The following USP16 variants were observed in gnomAD, a reference collection of about 807,000 sequenced individuals.
The protein encoded by USP16 is ubiquitin specific peptidase 16.
In USP16, 77 loss-of-function variants were observed where a neutral mutation model predicts 95.9. The ratio of observed to expected loss-of-function variants is 0.80; its 90% CI spans 0.67 to 0.97. The LOEUF (loss-of-function observed/expected upper bound fraction) is 0.97. Ranked by LOEUF, USP16 falls within the 50% of genes least tolerant of loss-of-function variation. USP16 has a pLI of 0.00. For missense variants in USP16, 943 were observed against 959.9 expected, an observed-to-expected ratio of 0.98 and a Z score of 0.23; for synonymous variants, 303 against 318.2, an observed-to-expected ratio of 0.95 and a Z score of 0.51.
Position 29,046,681 on chromosome 21 carries a change from A to T in USP16, c.1371A>T (p.Gln457His). ...TTTTTACCCAGAACCAACGAAGACA[A>T]CAAAAAATTCAAGGAAAAGTTCTTC... ...AKKQAKNQRR[Q>H]QKIQGKVLHL... The change falls in exon 14 of 18, where the codon CAA (glutamine) becomes CAT (histidine). Residue 457 changes from glutamine to histidine, a missense_variant. Coordinates refer to ENST00000399976, the MANE Select transcript of USP16 (RefSeq NM_006447.3). 4 of 1,604,334 alleles carry T rather than the reference A, an allele frequency of 2.5e-6. No individual in the cohort carries two copies. The highest frequency in any genetic ancestry group is 2.2e-5 in the East Asian group (1 of 44,762).
chr21:29,047,934 ATGTG>A (rs983151719), intron 14 of USP16, among the ~76,000 whole-genome samples: 7 of 151,064 alleles, frequency 4.6e-5, no homozygotes, highest in Non-Finnish European at 1.0e-4. Context: ...TGTATCTTAT[ATGTG>A]TGTGTATGTA....
chr21:29,050,588 T>C (rs189861489), intron 16 of USP16, among the ~76,000 whole-genome samples: 2 of 151,812 alleles, frequency 1.3e-5, no homozygotes, highest in African/African-American at 4.8e-5. Flanking sequence ...AAAGAAGGAG[T>C]AAAAGTATGA....
At chr21:29,029,238 C>A (rs2085041717) in intron 2 of USP16, among the ~76,000 whole-genome samples, 1 of 152,170 alleles carries the variant, frequency 6.6e-6, no homozygotes, top group Non-Finnish European at 1.5e-5. Context: ...ACGGTGAAAC[C>A]CCGTCTCTAC....
In USP16 at chr21:29,048,798, G is replaced by A; in HGVS notation, c.2049G>A (p.Gln683=). The change falls in exon 15 of 18, where the codon CAG becomes CAA. Residue 683 remains glutamine (Q), a synonymous_variant. Transcript: ENST00000399976. ...RKHVYTNAKK[Q]MLISLAPPVL... The stretch of plus-strand genomic sequence containing the variant: ...ATGTTTACACCAATGCCAAAAAGCA[G>A]ATGCTAATTTCTCTTGCTCCTCCTG... 1 of 1,613,818 alleles carries A rather than the reference G, an allele frequency of 6.2e-7. No individual in the cohort carries two copies. Among genetic ancestry groups the A allele is most frequent in the South Asian group, 1.1e-5 (1 of 91,074 alleles).
At chr21:29,034,748 G>A (rs2085128570) in intron 3 of USP16, 89 bp from the exon 4 acceptor site, 4 of 1,160,308 alleles carry the variant, frequency 3.4e-6, no homozygotes, top group Non-Finnish European at 5.0e-6. Flanking sequence ...AGAATTTCAT[G>A]AGCCACTTCC....
chr21:29,036,188 A>G (rs1267153357), intron 4 of USP16, 83 bp from the exon 5 acceptor site: 1 of 1,193,162 alleles, frequency 8.4e-7, no homozygotes, highest in African/African-American at 1.5e-5. Context: ...GCAGTTACAC[A>G]CTTTGATTCC....
At chr21:29,027,420 T>C (rs1161814733) in intron 1 of USP16, among the ~76,000 whole-genome samples, 2 of 152,366 alleles carry the variant, frequency 1.3e-5, no homozygotes, top group Non-Finnish European at 2.9e-5. Context: ...GTTAGAATTA[T>C]TTTTAATTTT....
chr21:29,032,234 G>T (rs1349756412), intron 3 of USP16, among the ~76,000 whole-genome samples: 1 of 151,862 alleles, frequency 6.6e-6, no homozygotes, highest in African/African-American at 2.4e-5. Context: ...ATTGGCTTTT[G>T]CTTTTTTCTT....
rs1350818891 is a variant in USP16 at position 29,040,619 on chromosome 21, A to C, written c.962A>C (p.Lys321Thr). Residue 321 changes from lysine to threonine, a missense_variant, in exon 10 of 18, where the codon AAA becomes ACA. Lys to Thr is a moderately conservative substitution (Grantham distance 78, BLOSUM62 -1). Transcript: ENST00000399976. ...TTTTATTACTTTTAGAGAGTGAGTA[A>C]AGGAATACTTAAAGCATTTGGTAAT... ...MRAEEHQRVSKGILKAFGNST... is the reference protein window; with the variant it reads ...MRAEEHQRVSTGILKAFGNST... 1 of 1,506,206 alleles carries C rather than the reference A, an allele frequency of 6.6e-7. No individual in the cohort carries two copies. Among genetic ancestry groups the C allele is most frequent in the Admixed American group, 1.8e-5 (1 of 55,124 alleles). 93.3% of individuals were successfully genotyped at this position (1,506,206 alleles called of 1,614,324 possible).
At chr21:29,024,960 C>G in intron 1 of USP16, 183 bp downstream of exon 1, 1 of 562,082 alleles carries the variant, frequency 1.8e-6, no homozygotes, top group South Asian at 2.2e-5. Flanking sequence ...CAGAAGCTGG[C>G]CAATGAGATG....
intron 14 of USP16, 47 bp downstream of exon 14, chr21:29,047,368 A>G (rs2085343086): frequency 6.4e-7 from 1 of 1,554,374 alleles, no homozygotes. Context: ...TCAGGGGCAC[A>G]TTTTGCACTG....
intron 3 of USP16, 151 bp downstream of exon 3, chr21:29,030,924 G>A: frequency 2.5e-6 from 2 of 797,452 alleles, no homozygotes; most frequent in Non-Finnish European, 1.8e-6. Context: ...GTGTGTATAG[G>A]TGGTGGAGTG....
intron 14 of USP16, among the ~76,000 whole-genome samples, chr21:29,048,046 T>A (rs1233142192): frequency 1.6e-5 from 2 of 128,986 alleles, no homozygotes; most frequent in Non-Finnish European, 3.2e-5. Flanking sequence ...TCAGAGACGA[T>A]ACGTGTGTGT....
chr21:29,043,596 C>G lies in USP16; in HGVS notation c.1353C>G (p.Ala451=). 3 of 1,533,986 alleles carry G rather than the reference C, an allele frequency of 2.0e-6. No homozygotes were observed. The highest frequency in any genetic ancestry group is 2.6e-6 in the Non-Finnish European group (3 of 1,147,696). ...KKAKKQAKKQ[A]KNQRRQQKIQ... ...CAAAGAAACAAGCCAAAAAGCAAGCCAAGGTGGGTAATTAGGAGGAAAATC... is the reference window on the plus strand; with the variant it reads ...CAAAGAAACAAGCCAAAAAGCAAGCGAAGGTGGGTAATTAGGAGGAAAATC... Residue 451 remains alanine, a synonymous_variant, in exon 13 of 18, where the codon GCC becomes GCG. Coordinates refer to ENST00000399976, the MANE Select transcript of USP16 (RefSeq NM_006447.3).
chr21:29,037,829 A>T (rs993659523), intron 6 of USP16, among the ~76,000 whole-genome samples: 1 of 151,654 alleles, frequency 6.6e-6, no homozygotes, highest in Non-Finnish European at 1.5e-5. Flanking sequence ...TAAGCCGTCC[A>T]CCCCCTTTGG....
At position 29,046,974 on chromosome 21, in the gene USP16, GGAA is replaced by G. The variant is rs761524767; in HGVS notation, c.1665_1667del (p.Arg555_Asn556delinsSer). On this transcript the variant is annotated inframe_deletion, in exon 14 of 18. Coordinates refer to ENST00000399976, the MANE Select transcript of USP16 (RefSeq NM_006447.3). ...GAGGTTTTAACATCTTCTCCCACTA[GGAA>G]TTTAAATGGTGCCTACCTAACGGAA... 6.2e-7 allele frequency: 1 copy of G among 1,614,078 alleles called. No individual in the cohort carries two copies. The highest frequency in any genetic ancestry group is 1.1e-5 in the South Asian group (1 of 91,086).
At chr21:29,051,310 A>G (rs929301215) in intron 16 of USP16, among the ~76,000 whole-genome samples, 2 of 152,226 alleles carry the variant, frequency 1.3e-5, no homozygotes, top group Non-Finnish European at 2.9e-5. Flanking sequence ...ATTTGGATAT[A>G]CATATCTGAG....
intron 3 of USP16, among the ~76,000 whole-genome samples, chr21:29,034,398 C>T (rs1321555022): frequency 1.3e-5 from 2 of 151,660 alleles, no homozygotes; most frequent in African/African-American, 4.8e-5. Context: ...CTGCAACCTC[C>T]GCCTCCTGAG....
chr21:29,051,809 G>A (rs1249300819), intron 16 of USP16, among the ~76,000 whole-genome samples: 1 of 151,064 alleles, frequency 6.6e-6, no homozygotes, highest in Non-Finnish European at 1.5e-5. Context: ...CTGCCTAGGT[G>A]ACAGAGCAAG....
Sources: gnomAD v4.1 joint callset for allele counts (sites outside exome capture counted in the v4.1 genomes callset) on GRCh38, gnomAD v4.1.1 for gene constraint, MANE v1.5 for transcripts, NCBI Gene and HGNC (gene_info 2026-07-23, HGNC 2026-07-21) for gene names.